The following RPTOR variants were observed in gnomAD, a reference collection of about 807,000 sequenced individuals.
RPTOR encodes the protein regulatory associated protein of MTOR complex 1.
RPTOR carries 21 observed loss-of-function variants against 169.9 expected under a neutral mutation model. The observed-to-expected ratio is 0.12, with a 90% CI of 0.09 to 0.18. The LOEUF is 0.18. Ranked by LOEUF, RPTOR falls within the 10% of genes least tolerant of loss-of-function variation. The probability of loss-of-function intolerance (pLI) is 1.00; values close to 1 mark genes in which losing one functional copy is unlikely to be tolerated. For synonymous variants in RPTOR, 732 were observed against 753.2 expected (o/e 0.97, Z 0.46); for missense variants, 1,133 against 1,855.9 (o/e 0.61, Z 7.16).
intron 1 of RPTOR, among the ~76,000 whole-genome samples, chr17:80,620,555 A>C (rs1317865832): frequency 6.6e-6 from 1 of 152,234 alleles, no homozygotes; most frequent in Non-Finnish European, 1.5e-5. Context: ...ACCCGAGGTC[A>C]GGAGTTCAAG....
At chr17:80,630,733 A>AGGT (rs2065435615) in intron 2 of RPTOR, among the ~76,000 whole-genome samples, 1 of 152,236 alleles carries the variant, frequency 6.6e-6, no homozygotes, top group Non-Finnish European at 1.5e-5. Flanking sequence ...TGACCAGCAC[A>AGGT]GTCCTCGTGC....
At chr17:80,887,581 T>C (rs2068264385) in intron 17 of RPTOR, among the ~76,000 whole-genome samples, 1 of 152,110 alleles carries the variant, frequency 6.6e-6, no homozygotes, top group African/African-American at 2.4e-5. Flanking sequence ...TCAAGGACCA[T>C]CCTGAGCCCG....
chr17:80,898,715 C>A (rs1225915288), intron 20 of RPTOR, among the ~76,000 whole-genome samples: 55 of 138,384 alleles, frequency 4.0e-4, no homozygotes, highest in South Asian at 3.3e-3. Context: ...CGGCTCCCCC[C>A]GCACCTGCTC....
intron 20 of RPTOR, among the ~76,000 whole-genome samples, chr17:80,907,006 T>C (rs2068552010): frequency 6.6e-6 from 1 of 151,770 alleles, no homozygotes; most frequent in Non-Finnish European, 1.5e-5. Flanking sequence ...AGACCATAGG[T>C]GGAGGTGAGC....
intron 7 of RPTOR, among the ~76,000 whole-genome samples, chr17:80,801,233 C>T (rs60022098): frequency 0.014 from 2,176 of 152,234 alleles, 50 homozygotes; most frequent in African/African-American, 0.05. Context: ...TTACTGAGCC[C>T]CCATGGTGCC....
At chr17:80,918,418 G>GGTCATAGCCACGAGCACCCTCGCCGGA (rs756661116) in intron 21 of RPTOR, among the ~76,000 whole-genome samples, 5 of 128,072 alleles carry the variant, frequency 3.9e-5, no homozygotes, top group East Asian at 2.6e-4. Flanking sequence ...CCCTCGCGGG[G>GGTCATAGCCACGAGCACCCTCGCCGGA]GTCATAGCCA....
intron 5 of RPTOR, among the ~76,000 whole-genome samples, chr17:80,744,916 CAGCCCTGGTTACTAGCAG>C (rs1257712313): frequency 2.7e-5 from 4 of 148,876 alleles, no homozygotes; most frequent in Admixed American, 6.6e-5. Context: ...GCTACTAGCA[CAGCCCTGGTTACTAGCAG>C]AGCCCTGGTT....
chr17:80,826,385 G>A (rs748834017), intron 9 of RPTOR, among the ~76,000 whole-genome samples: 39 of 152,302 alleles, frequency 2.6e-4, no homozygotes, highest in Admixed American at 6.5e-4. Flanking sequence ...CTTCCCGGCC[G>A]GCTGTGCAGA....
chr17:80,777,443 C>T (rs2066902271), intron 6 of RPTOR, among the ~76,000 whole-genome samples: 1 of 152,044 alleles, frequency 6.6e-6, no homozygotes, highest in Non-Finnish European at 1.5e-5. Flanking sequence ...GTCTTCATTC[C>T]AGCCGTCCTG....
At chr17:80,717,824 A>G (rs1205067130) in intron 4 of RPTOR, among the ~76,000 whole-genome samples, 1 of 152,120 alleles carries the variant, frequency 6.6e-6, no homozygotes, top group African/African-American at 2.4e-5. Context: ...CCGGGCTCAG[A>G]TTTTCCCCAT....
rs1300590529 is a variant in RPTOR at position 80,726,287 on chromosome 17, C to G, written c.508-4273C>G. ...CCATGGCCCTGTGCCGTGCTGCCTC[C>G]TGGACGCACGCTAGGAGGTGGAGAT... is the stretch of plus-strand genomic sequence containing the variant. On this transcript the variant is annotated intron_variant, in intron 4 of 33. Coordinates refer to ENST00000306801, the MANE Select transcript of RPTOR (RefSeq NM_020761.3). This position sits in a 1 kb window ranked among gnomAD's most constrained non-coding sequence, Gnocchi z 4.5. Among the ~76,000 whole-genome samples, 8 of 152,204 alleles carry G rather than the reference C, an allele frequency of 5.3e-5. No homozygotes were observed. The highest frequency in any genetic ancestry group is 2.0e-4 in the Admixed American group (3 of 15,288).
chr17:80,807,993 T>C (rs1298462215), intron 7 of RPTOR, among the ~76,000 whole-genome samples: 1 of 152,108 alleles, frequency 6.6e-6, no homozygotes, highest in African/African-American at 2.4e-5. Flanking sequence ...ATAACGTGCA[T>C]CCTGCTAAAA....
intron 21 of RPTOR, among the ~76,000 whole-genome samples, chr17:80,913,437 T>C (rs2068635170): frequency 6.6e-6 from 1 of 152,094 alleles, no homozygotes; most frequent in Non-Finnish European, 1.5e-5. Flanking sequence ...TCTCTTGGTT[T>C]AGTTTTGGGG....
chr17:80,789,937 T>G (rs1262033013), intron 6 of RPTOR, among the ~76,000 whole-genome samples: 1 of 152,198 alleles, frequency 6.6e-6, no homozygotes, highest in African/African-American at 2.4e-5. Flanking sequence ...TCCCAATCAG[T>G]AAGTACATTA....
Position 80,692,476 on chromosome 17 carries a change from C to T in RPTOR, c.349-15365C>T, listed in dbSNP as rs139255701. ...AGCTGGGATTACAGGCACATGCCAC[C>T]ATGCCCAGCTAATTTTGTATTTTCA... On this transcript the variant is annotated intron_variant, in intron 3 of 33. Coordinates refer to ENST00000306801, the MANE Select transcript of RPTOR (RefSeq NM_020761.3). 3.8e-3 allele frequency among the ~76,000 whole-genome samples: 579 copies of T among 152,036 alleles called. 3 individuals are homozygous for T. The highest frequency in any genetic ancestry group is 0.014 in the African/African-American group (562 of 41,462).
At chr17:80,810,839 T>C (rs1015027789) in intron 7 of RPTOR, among the ~76,000 whole-genome samples, 3 of 152,232 alleles carry the variant, frequency 2.0e-5, no homozygotes, top group African/African-American at 7.2e-5. Flanking sequence ...TCTGTACATA[T>C]CTTGCAAATA....
chr17:80,904,298 C>G (rs1220119955), intron 20 of RPTOR, among the ~76,000 whole-genome samples: 1 of 152,214 alleles, frequency 6.6e-6, no homozygotes, highest in African/African-American at 2.4e-5. Context: ...GGCAGAGGGT[C>G]TTGGCCATCA....
chr17:80,545,962 A>C (rs2084269230), intron 1 of RPTOR, among the ~76,000 whole-genome samples, 171 bp downstream of exon 1: 1 of 152,204 alleles, frequency 6.6e-6, no homozygotes, highest in South Asian at 2.1e-4. Context: ...TGAAAATGGA[A>C]AATGCTGTTT....
At chr17:80,857,687 T>C (rs1251300316) in intron 12 of RPTOR, 103 bp from the exon 13 acceptor site, 3 of 706,278 alleles carry the variant, frequency 4.2e-6, no homozygotes, top group Non-Finnish European at 5.0e-6. Context: ...GCGTTTCCCA[T>C]ATGTGCTGAA....
Sources: gnomAD v4.1 joint callset for allele counts (sites outside exome capture counted in the v4.1 genomes callset) on GRCh38, gnomAD v4.1.1 for gene constraint, Gnocchi (gnomAD v3.1) non-coding constraint, MANE v1.5 for transcripts, NCBI Gene and HGNC (gene_info 2026-07-23, HGNC 2026-07-21) for gene names.